GOLGA2: variants seen among roughly 807,000 people sequenced by gnomAD.
GOLGA2 encodes golgin A2, also known as golgin subfamily A member 2.
A neutral mutation model predicts 148.8 loss-of-function variants in GOLGA2; 49 were observed. That is an observed-to-expected ratio of 0.33 (90% CI 0.26 to 0.42). GOLGA2 has a LOEUF of 0.42. Ranked by LOEUF, GOLGA2 falls within the 10% of genes least tolerant of loss-of-function variation. GOLGA2 has a pLI of 1.00. For synonymous variants in GOLGA2, 501 were observed against 511.8 expected (o/e 0.98, Z 0.28); for missense variants, 1,178 against 1,304.6 (o/e 0.90, Z 1.49).
rs753606960 is a variant in GOLGA2, at chr9:128,263,045, T to C, written c.981A>G (p.Leu327=). The part of the protein sequence containing the change: ...TKERDALRLE[L]YKNTQSNEDL... ...ATCCCCCATCCTACGTGTTCTTGTA[T>C]AACTCCAGCCTGAGGGCGTCTCTCT... The change falls in exon 13 of 27, where the codon TTA becomes TTG. Residue 327 remains leucine (L), a synonymous_variant. Coordinates refer to ENST00000611957, the MANE Select transcript of GOLGA2 (RefSeq NM_001366244.2). 21 of 1,608,624 alleles carry C rather than the reference T, an allele frequency of 1.3e-5. No individual in the cohort carries two copies. In the South Asian group the frequency reaches 1.9e-4, roughly 14 times the overall value.
rs1368252759 is a variant in GOLGA2 at position 128,261,646 on chromosome 9, T to A, written c.1224+22A>T. ...CACCTGGGGTCATCTTCCTTCTACA[T>A]CCCTCCCCTGCAAAGCCTCACCTGC... On this transcript the variant is annotated intron_variant, in intron 15 of 26. Transcript: ENST00000611957. This position sits in a 1 kb window ranked among gnomAD's most constrained non-coding sequence, Gnocchi z 5.7. The A allele has an allele frequency of 1.3e-6, 2 of 1,570,506 alleles. No individual in the cohort carries two copies. The highest frequency in any genetic ancestry group is 1.3e-5 in the African/African-American group (1 of 74,112).
At chr9:128,262,491 C>T in intron 14 of GOLGA2, 72 bp downstream of exon 14, 2 of 1,452,032 alleles carry the variant, frequency 1.4e-6, no homozygotes, top group Non-Finnish European at 1.9e-6. Flanking sequence ...TCTCCCCATG[C>T]CCTGCATGAT....
Position 128,258,059 on chromosome 9 carries a change from G to A in GOLGA2, c.2429C>T (p.Ala810Val). ...ATCACCCCCGGTCCCTGGGGCTGGG[G>A]CTGCTGCCTCAGGCTCCTTCTGGGC... is the stretch of plus-strand genomic sequence containing the variant. ...ASAQKEPEAA[A>V]PAPGTGGDSV... is the part of the protein sequence containing the mutation. The change falls in exon 23 of 27, where the codon GCC becomes GTC. Residue 810 changes from alanine (A) to valine (V), a missense_variant. By Grantham distance (64) the Ala-to-Val change is moderately conservative. Coordinates refer to ENST00000611957, the MANE Select transcript of GOLGA2 (RefSeq NM_001366244.2). The surrounding 1 kb of genome is among the most constrained non-coding windows in gnomAD (Gnocchi z 6.6). 3 of 1,611,634 alleles carry A rather than the reference G, an allele frequency of 1.9e-6. No homozygotes were observed. Among genetic ancestry groups the A allele is most frequent in the Non-Finnish European group, 2.5e-6 (3 of 1,179,758 alleles).
chr9:128,273,412 C>G (rs977124387), intron 2 of GOLGA2, among the ~76,000 whole-genome samples: 1 of 152,112 alleles, frequency 6.6e-6, no homozygotes, highest in African/African-American at 2.4e-5. Context: ...AATCCTAGCA[C>G]CTGGGACTCT....
Position 128,259,245 on chromosome 9 carries a change from G to A in GOLGA2, c.2019C>T (p.Leu673=), listed in dbSNP as rs139831210. ...LHNQLLLQTQ[L]VDQLQQQEAQ... is the part of the protein sequence containing the mutation. ...CTTCCTGCTGCTGCAGCTGGTCCAC[G>A]AGCTGGGTCTGCAGCAGTAGCTGAT... The change falls in exon 20 of 27, where the codon CTC becomes CTT. Residue 673 remains leucine, a synonymous_variant. Transcript: ENST00000611957. 1.7e-4 allele frequency: 277 copies of A among 1,601,410 alleles called. No homozygotes were observed. The highest frequency in any genetic ancestry group is 4.9e-4 in the Admixed American group (29 of 58,670).
rs889927968 is a variant in GOLGA2 at position 128,262,650 on chromosome 9, C to A, written c.1047G>T (p.Arg349=). ...QEKSELEEKL[R]VLVTEKAGMQ... ...TGCCAGCCTTCTCAGTCACTAGGACCCGAAGCTTCTCTTCCAATTCTGATT... is the reference window on the plus strand; with the variant it reads ...TGCCAGCCTTCTCAGTCACTAGGACACGAAGCTTCTCTTCCAATTCTGATT... Residue 349 remains arginine, a synonymous_variant, in exon 14 of 27, where the codon CGG becomes CGT. Coordinates refer to ENST00000611957, the MANE Select transcript of GOLGA2 (RefSeq NM_001366244.2). The A allele has an allele frequency of 3.7e-6, 6 of 1,613,604 alleles. No individual in the cohort carries two copies. In the African/African-American group the frequency reaches 6.7e-5, roughly 18 times the overall value.
intron 3 of GOLGA2, among the ~76,000 whole-genome samples, chr9:128,272,055 A>C (rs75367726): frequency 6.6e-6 from 1 of 151,414 alleles, no homozygotes; most frequent in Admixed American, 6.6e-5. Flanking sequence ...AAAAAAAAAA[A>C]ACACTAACTT....
At position 128,266,284 on chromosome 9, in the gene GOLGA2, T is replaced by G; in HGVS notation, c.681+3A>C. ...TTGTGAGCAAACAAAGAAATCACGT[T>G]ACTTCTTCCAACTGATCCGTAATTT... On this transcript the variant is annotated splice_donor_region_variant and intron_variant, in intron 9 of 26. Transcript: ENST00000611957. The surrounding 1 kb of genome is among the most constrained non-coding windows in gnomAD (Gnocchi z 4.2). 2 of 1,611,186 alleles carry G rather than the reference T, an allele frequency of 1.2e-6. No individual in the cohort carries two copies. The highest frequency in any genetic ancestry group is 1.3e-5 in the African/African-American group (1 of 74,998).
chr9:128,267,352 G>T, intron 7 of GOLGA2, 78 bp from the exon 8 acceptor site: 2 of 1,385,970 alleles, frequency 1.4e-6, no homozygotes, highest in South Asian at 1.2e-5. Context: ...GGGTTGGGGG[G>T]TGTGTGGGCT....
rs767561708 is a variant in GOLGA2, at chr9:128,257,093, C to A, written c.3064G>T (p.Asp1022Tyr). The A allele has an allele frequency of 2.8e-5, 45 of 1,613,668 alleles. No homozygotes were observed. In the South Asian group the frequency reaches 3.5e-4, roughly 13 times the overall value. The change falls in exon 27 of 27, where the codon GAT becomes TAT. Residue 1022 changes from aspartate to tyrosine, a missense_variant. Coordinates refer to ENST00000611957, the MANE Select transcript of GOLGA2 (RefSeq NM_001366244.2). The surrounding 1 kb of genome is among the most constrained non-coding windows in gnomAD (Gnocchi z 8.0). ...TAGATGACAGTGATCTTCACCTCAT[C>A]ATTCTCGTCAGCCCGGTAAAAAAAA... The part of the protein sequence containing the change: ...IPFFYRADEN[D>Y]EVKITVI
In GOLGA2 at chr9:128,258,495, A is replaced by G; in HGVS notation, c.2249T>C (p.Met750Thr). ...CTCCAGGTCCTCCGGGATGCTTGGC[A>G]TGGGCTGAGGTACTGCCACCGCCTC... is the stretch of plus-strand genomic sequence containing the variant. Reference protein sequence around the residue: ...EEEAVAVPQPMPSIPEDLESR... With the variant: ...EEEAVAVPQPTPSIPEDLESR... Residue 750 changes from methionine to threonine, a missense_variant, in exon 22 of 27, where the codon ATG becomes ACG. Physicochemically the swap from Met to Thr is moderately conservative, Grantham distance 81 (BLOSUM62 -1). Coordinates refer to ENST00000611957, the MANE Select transcript of GOLGA2 (RefSeq NM_001366244.2). The surrounding 1 kb of genome is among the most constrained non-coding windows in gnomAD (Gnocchi z 6.6). 1 of 1,611,044 alleles carries G rather than the reference A, an allele frequency of 6.2e-7. No homozygotes were observed. The highest frequency in any genetic ancestry group is 8.5e-7 in the Non-Finnish European group (1 of 1,179,158).
chr9:128,274,398 TGGA>T (rs1210416065), intron 1 of GOLGA2, among the ~76,000 whole-genome samples: 1 of 151,888 alleles, frequency 6.6e-6, no homozygotes, highest in Non-Finnish European at 1.5e-5. Flanking sequence ...AAATATGAGG[TGGA>T]GAAGTCAAGC....
intron 1 of GOLGA2, 113 bp from the exon 2 acceptor site, chr9:128,274,085 A>C: frequency 1.1e-6 from 1 of 951,024 alleles, no homozygotes; most frequent in Non-Finnish European, 1.6e-6. Flanking sequence ...AATGCCACTA[A>C]CAACTCCACA....
At chr9:128,273,490 C>G (rs1831084799) in intron 2 of GOLGA2, 1 of 422,424 alleles carries the variant, frequency 2.4e-6, no homozygotes, top group African/African-American at 2.0e-5. Context: ...TAGCTGTTCT[C>G]ATTGGCCTGG....
chr9:128,266,608 T>A lies in GOLGA2; in HGVS notation c.643-283A>T, dbSNP rs1229721280. 1 of 540,780 alleles carries A rather than the reference T, an allele frequency of 1.8e-6. No homozygotes were observed. Among genetic ancestry groups the A allele is most frequent in the Non-Finnish European group, 3.3e-6 (1 of 304,790 alleles). 33.5% of individuals were successfully genotyped at this position (540,780 alleles called of 1,614,324 possible). The stretch of plus-strand genomic sequence containing the variant: ...GATGGAGTGTGAGAAAAGCCCACCC[T>A]CTGCCAGTTTGTGATTTAGAAAGGT... On this transcript the variant is annotated intron_variant, in intron 8 of 26. Coordinates refer to ENST00000611957, the MANE Select transcript of GOLGA2 (RefSeq NM_001366244.2). This position sits in a 1 kb window ranked among gnomAD's most constrained non-coding sequence, Gnocchi z 4.2.
In GOLGA2 at chr9:128,260,963, T is replaced by C; in HGVS notation, c.1421-161A>G. 4.5e-6 allele frequency: 3 copies of C among 667,590 alleles called. No individual in the cohort carries two copies. The highest frequency in any genetic ancestry group is 7.8e-6 in the Non-Finnish European group (3 of 384,698). The allele number at this position is 667,590 out of a possible 1,614,324, so 41.4% of individuals were successfully genotyped here. On this transcript the variant is annotated intron_variant, in intron 17 of 26. Coordinates refer to ENST00000611957, the MANE Select transcript of GOLGA2 (RefSeq NM_001366244.2). The surrounding 1 kb of genome is among the most constrained non-coding windows in gnomAD (Gnocchi z 4.8). ...CAAACCACTTTCCGATAGCGACAACTGTGGGTGGCTGACAACGGGCACTCC... is the reference window on the plus strand; with the variant it reads ...CAAACCACTTTCCGATAGCGACAACCGTGGGTGGCTGACAACGGGCACTCC...
In GOLGA2 at chr9:128,265,620, A is replaced by C. The variant is rs1370439072; in HGVS notation, c.898T>G (p.Ser300Ala). The C allele has an allele frequency of 6.2e-7, 1 of 1,613,660 alleles. No homozygotes were observed. The highest frequency in any genetic ancestry group is 2.2e-5 in the East Asian group (1 of 44,884). ...RRVGELERALSAVSTQQKKAD... is the reference protein window; with the variant it reads ...RRVGELERALAAVSTQQKKAD... ...TTCTTCTGCTGCGTGGAGACAGCAG[A>C]GAGAGCCCGCTCCAACTCTCCCACA... The change falls in exon 12 of 27, where the codon TCT (serine) becomes GCT (alanine). Residue 300 changes from serine to alanine, a missense_variant. Coordinates refer to ENST00000611957, the MANE Select transcript of GOLGA2 (RefSeq NM_001366244.2).
chr9:128,274,033 C>G lies in GOLGA2; in HGVS notation c.85-61G>C, dbSNP rs879180393. 20 of 1,549,650 alleles carry G rather than the reference C, an allele frequency of 1.3e-5. No homozygotes were observed. The South Asian group carries it at 2.2e-4, about 17-fold the overall frequency. ...TACAAGCCCCCACAGTTACATCCTA[C>G]TTTACAATTTTTCCAAAATACTCTT... On this transcript the variant is annotated intron_variant, in intron 1 of 26. Coordinates refer to ENST00000611957, the MANE Select transcript of GOLGA2 (RefSeq NM_001366244.2).
chr9:128,257,014 G>A lies in GOLGA2; in HGVS notation c.*53C>T. 7.5e-7 allele frequency: 1 copy of A among 1,331,438 alleles called. No homozygotes were observed. The highest frequency in any genetic ancestry group is 1.1e-6 in the Non-Finnish European group (1 of 935,806). The allele number at this position is 1,331,438 out of a possible 1,614,324, so 82.5% of individuals were successfully genotyped here. ...GAGAAGGGATGGTAGGGATATGGTGGGGGCAGGGTATCCAGCCCCACTTCT... is the reference window on the plus strand; with the variant it reads ...GAGAAGGGATGGTAGGGATATGGTGAGGGCAGGGTATCCAGCCCCACTTCT... On this transcript the variant is annotated 3_prime_UTR_variant, in exon 27 of 27. Coordinates refer to ENST00000611957, the MANE Select transcript of GOLGA2 (RefSeq NM_001366244.2). The surrounding 1 kb of genome is among the most constrained non-coding windows in gnomAD (Gnocchi z 8.0).
Sources: allele counts gnomAD v4.1 joint callset (sites outside exome capture counted in the v4.1 genomes callset), GRCh38; gene constraint gnomAD v4.1.1; non-coding constraint Gnocchi (gnomAD v3.1); transcripts MANE v1.5; gene names NCBI Gene and HGNC (gene_info 2026-07-23, HGNC 2026-07-21).